FBXO10: variants seen among roughly 807,000 people sequenced by gnomAD.
FBXO10 encodes the protein F-box only protein 10.
FBXO10 carries 39 observed loss-of-function variants against 80.7 expected under a neutral mutation model. That is an observed-to-expected ratio of 0.48 (90% CI 0.37 to 0.63). The LOEUF is 0.63. FBXO10 is among the 30% of genes least tolerant of loss of function. The pLI is 0.00. For missense variants in FBXO10, 1,025 were observed against 1,269.0 expected, an observed-to-expected ratio of 0.81 and a Z score of 2.92; for synonymous variants, 449 against 489.6, an observed-to-expected ratio of 0.92 and a Z score of 1.09.
At chr9:37,538,618 G>A (rs117163648) in intron 2 of FBXO10, among the ~76,000 whole-genome samples, 33 of 150,346 alleles carry the variant, frequency 2.2e-4, no homozygotes, top group Non-Finnish European at 4.0e-4. Context: ...TGAGGAATGA[G>A]AATAGCTTGA....
chr9:37,541,142 G>C, intron 2 of FBXO10, 42 bp downstream of exon 2: 2 of 1,505,838 alleles, frequency 1.3e-6, no homozygotes, highest in Non-Finnish European at 1.8e-6. Flanking sequence ...CAAGCCTCTG[G>C]GGTCAGAACT....
chr9:37,536,155 C>A (rs1267360800), intron 3 of FBXO10: 1 of 152,144 alleles, frequency 6.6e-6, no homozygotes, highest in East Asian at 1.9e-4. Flanking sequence ...ATTTTAGAAG[C>A]CTGCAACACT....
chr9:37,542,419 A>T (rs1821943564), intron 1 of FBXO10, among the ~76,000 whole-genome samples: 1 of 151,442 alleles, frequency 6.6e-6, no homozygotes, highest in Non-Finnish European at 1.5e-5. Context: ...AACATGGAGA[A>T]ACCCTGTCTC....
chr9:37,563,129 C>G (rs564046342), intron 1 of FBXO10, among the ~76,000 whole-genome samples: 9 of 152,294 alleles, frequency 5.9e-5, no homozygotes, highest in African/African-American at 2.2e-4. Context: ...GTTTTATAAG[C>G]CATCTGGCAT....
Position 37,512,613 on chromosome 9 carries a change from C to T in FBXO10, c.2805G>A (p.Thr935=), listed in dbSNP as rs1030794098. The T allele has an allele frequency of 1.5e-5, 25 of 1,613,934 alleles. No individual in the cohort carries two copies. Among genetic ancestry groups the T allele is most frequent in the South Asian group, 3.3e-5 (3 of 91,088 alleles). ...HNGQKVTAMA[T]RITARVEGGY... ...CACCTTCCACCCGGGCTGTGATCCT[C>T]GTTGCCATGGCTGTCACCTTCTGCC... is the stretch of plus-strand genomic sequence containing the variant. The change falls in exon 11 of 11, where the codon ACG becomes ACA. Residue 935 remains threonine, a synonymous_variant. Transcript: ENST00000432825.
chr9:37,542,926 G>T (rs1218468947), intron 1 of FBXO10, among the ~76,000 whole-genome samples: 1 of 152,152 alleles, frequency 6.6e-6, no homozygotes, highest in Admixed American at 6.5e-5. Context: ...GGCTGTTAGG[G>T]TCCTAGAGCT....
chr9:37,541,881 T>A (rs1821929161), intron 1 of FBXO10, 107 bp from the exon 2 acceptor site: 2 of 925,772 alleles, frequency 2.2e-6, no homozygotes, highest in African/African-American at 3.3e-5. Context: ...CAGGCTGGAG[T>A]GCAGTGGTGC....
intron 1 of FBXO10, among the ~76,000 whole-genome samples, chr9:37,566,567 G>A (rs1171089661): frequency 6.6e-6 from 1 of 151,798 alleles, no homozygotes; most frequent in African/African-American, 2.4e-5. Context: ...AGGCACACAA[G>A]CCTCACAGGC....
chr9:37,523,128 G>A (rs2119069567), intron 6 of FBXO10, among the ~76,000 whole-genome samples, 151 bp from the exon 7 acceptor site: 1 of 152,340 alleles, frequency 6.6e-6, no homozygotes, highest in South Asian at 2.1e-4. Context: ...CTTGTCTGCT[G>A]TCTGATGTTT....
chr9:37,538,103 T>C (rs1002149003), intron 2 of FBXO10, among the ~76,000 whole-genome samples, 160 bp from the exon 3 acceptor site: 4 of 152,038 alleles, frequency 2.6e-5, no homozygotes, highest in African/African-American at 4.8e-5. Context: ...CAAAAGGAAC[T>C]GGGGAGCTGC....
chr9:37,558,752 A>G (rs1242394306), intron 1 of FBXO10, among the ~76,000 whole-genome samples: 4 of 152,142 alleles, frequency 2.6e-5, no homozygotes, highest in Non-Finnish European at 5.9e-5. Context: ...AGCTAATAAC[A>G]ATGTGAGATA....
chr9:37,536,488 A>T (rs1213728758), intron 3 of FBXO10, among the ~76,000 whole-genome samples: 5 of 152,188 alleles, frequency 3.3e-5, no homozygotes, highest in African/African-American at 9.7e-5. Flanking sequence ...TGTTCTTAGC[A>T]TAAGGCCCAA....
intron 2 of FBXO10, among the ~76,000 whole-genome samples, chr9:37,538,290 G>A (rs145275453): frequency 6.5e-4 from 99 of 152,292 alleles, no homozygotes; most frequent in African/African-American, 2.3e-3. Context: ...AGGCCTAGCC[G>A]CATGTGCTGG....
At chr9:37,534,478 C>T (rs6476637) in intron 3 of FBXO10, among the ~76,000 whole-genome samples, 16,529 of 152,144 alleles carry the variant, frequency 0.11, 1,032 homozygotes, top group African/African-American at 0.16. Context: ...GAAAGACAGG[C>T]GCCTCCAAGG....
Position 37,537,355 on chromosome 9 carries a change from G to C in FBXO10, c.1174C>G (p.Pro392Ala). The change falls in exon 3 of 11, where the codon CCA becomes GCA. Residue 392 changes from proline (P) to alanine (A), a missense_variant. Pro to Ala is a conservative substitution (Grantham distance 27). Coordinates refer to ENST00000432825, the MANE Select transcript of FBXO10 (RefSeq NM_012166.3). ...RPVLGGSFLG[P>A]PLPGASIQLP... The stretch of plus-strand genomic sequence containing the variant: ...TGAATGGATGCTCCTGGTAGAGGTG[G>C]GCCCAGAAATGAGCCCCCCAATACA... The C allele has an allele frequency of 1.2e-6, 2 of 1,601,160 alleles. No homozygotes were observed. Among genetic ancestry groups the C allele is most frequent in the Non-Finnish European group, 1.7e-6 (2 of 1,173,332 alleles).
At chr9:37,550,400 G>A (rs1264864531) in intron 1 of FBXO10, among the ~76,000 whole-genome samples, 1 of 150,860 alleles carries the variant, frequency 6.6e-6, no homozygotes, top group Non-Finnish European at 1.5e-5. Flanking sequence ...GGCCAGGCTG[G>A]TCTCAAACTC....
chr9:37,574,814 G>GA (rs1822851695), intron 1 of FBXO10, among the ~76,000 whole-genome samples: 1 of 152,180 alleles, frequency 6.6e-6, no homozygotes, highest in African/African-American at 2.4e-5. Flanking sequence ...GCTAGCTCTG[G>GA]AAAAAGCCCC....
chr9:37,570,183 T>C (rs1344738887), intron 1 of FBXO10, among the ~76,000 whole-genome samples: 2 of 152,034 alleles, frequency 1.3e-5, no homozygotes, highest in Non-Finnish European at 2.9e-5. Context: ...TGGTGGCGCA[T>C]GCATGCAATC....
At chr9:37,556,834 C>T (rs895289286) in intron 1 of FBXO10, among the ~76,000 whole-genome samples, 4 of 152,140 alleles carry the variant, frequency 2.6e-5, no homozygotes, top group South Asian at 4.1e-4. Context: ...CGTGAGCCAC[C>T]GCATCCAGCC....
Sources: gnomAD v4.1 joint callset for allele counts (sites outside exome capture counted in the v4.1 genomes callset) on GRCh38, gnomAD v4.1.1 for gene constraint, MANE v1.5 for transcripts, NCBI Gene and HGNC (gene_info 2026-07-23, HGNC 2026-07-21) for gene names.